ZGPAT: variants seen among roughly 807,000 people sequenced by gnomAD.
The protein encoded by ZGPAT is zinc finger CCCH-type and G-patch domain containing.
A neutral mutation model predicts 47.9 loss-of-function variants in ZGPAT; 39 were observed. The ratio of observed to expected loss-of-function variants is 0.81; its 90% confidence interval spans 0.63 to 1.06. The LOEUF (loss-of-function observed/expected upper bound fraction) is 1.06, where lower values mean the gene tolerates loss of function less well. Ranked by LOEUF, ZGPAT falls within the 50% of genes least tolerant of loss-of-function variation. The probability of loss-of-function intolerance (pLI) is 0.00; values close to 1 mark genes in which losing one functional copy is unlikely to be tolerated. For synonymous variants in ZGPAT, 348 were observed against 292.9 expected (o/e 1.19, Z -1.92); for missense variants, 717 against 681.4 (o/e 1.05, Z -0.58).
chr20:63,732,758 G>T (rs966125423), intron 2 of ZGPAT, among the ~76,000 whole-genome samples: 1 of 151,628 alleles, frequency 6.6e-6, no homozygotes, highest in African/African-American at 2.4e-5. Flanking sequence ...GTGTATGCCT[G>T]TGTACGTATG....
intron 2 of ZGPAT, among the ~76,000 whole-genome samples, chr20:63,724,543 GAAA>G (rs1419450299): frequency 1.3e-5 from 2 of 151,732 alleles, no homozygotes; most frequent in African/African-American, 4.8e-5. Context: ...AATTCAAAGA[GAAA>G]AAAAGTATAC....
chr20:63,726,344 G>A lies in ZGPAT; in HGVS notation c.585-6875G>A, dbSNP rs946350812. ...CTCCCAAGTAGCTGAGATGATAGGCGCCCGCCACCACGCCCAGCTAATTTT... is the reference window on the plus strand; with the variant it reads ...CTCCCAAGTAGCTGAGATGATAGGCACCCGCCACCACGCCCAGCTAATTTT... On this transcript the variant is annotated intron_variant, in intron 2 of 6. Transcript: ENST00000355969. Among the ~76,000 whole-genome samples, 26 of 147,824 alleles carry A rather than the reference G, an allele frequency of 1.8e-4. No individual in the cohort carries two copies. The East Asian group carries it at 4.2e-3, about 24-fold the overall frequency.
intron 2 of ZGPAT, among the ~76,000 whole-genome samples, chr20:63,710,555 G>A (rs184214850): frequency 1.4e-3 from 208 of 152,250 alleles, no homozygotes; most frequent in African/African-American, 4.5e-3. Flanking sequence ...CACCGCCCAC[G>A]GTCCATCATC....
chr20:63,722,575 C>T (rs548744223), intron 2 of ZGPAT, among the ~76,000 whole-genome samples: 1 of 152,092 alleles, frequency 6.6e-6, no homozygotes, highest in South Asian at 2.1e-4. Flanking sequence ...CTAGAGATGA[C>T]AATGTACATC....
At chr20:63,719,300 T>C (rs1568790045) in intron 2 of ZGPAT, among the ~76,000 whole-genome samples, 1 of 152,212 alleles carries the variant, frequency 6.6e-6, no homozygotes, top group African/African-American at 2.4e-5. Flanking sequence ...TAAATTCATG[T>C]CTTTCATTAA....
Position 63,708,589 on chromosome 20 carries a change from G to A in ZGPAT, c.9G>A (p.Glu3=), listed in dbSNP as rs2091604268. MD[E]ESLESALQTY... Reference sequence around the variant, plus strand: ...CGCCTCCCTCTCTCAGCATGGACGAGGAGAGCCTGGAGTCGGCCTTGCAGA... The same window carrying A: ...CGCCTCCCTCTCTCAGCATGGACGAAGAGAGCCTGGAGTCGGCCTTGCAGA... The change falls in exon 2 of 7, where the codon GAG becomes GAA. Residue 3 remains glutamate, a synonymous_variant. Transcript: ENST00000355969. The A allele has an allele frequency of 6.3e-7, 1 of 1,599,130 alleles. No homozygotes were observed. The highest frequency in any genetic ancestry group is 8.5e-7 in the Non-Finnish European group (1 of 1,170,282).
At chr20:63,725,913 A>T (rs1377754332) in intron 2 of ZGPAT, among the ~76,000 whole-genome samples, 2 of 151,176 alleles carry the variant, frequency 1.3e-5, no homozygotes, top group South Asian at 4.2e-4. Context: ...GCTCACTGCA[A>T]CCTCCACCAC....
intron 2 of ZGPAT, among the ~76,000 whole-genome samples, chr20:63,731,357 A>T (rs62217816): frequency 0.12 from 15,325 of 132,628 alleles, 1,179 homozygotes; most frequent in East Asian, 0.25. Context: ...TGTGTGTGTG[A>T]GATTGTGTAT....
chr20:63,733,272 C>T lies in ZGPAT; in HGVS notation c.638C>T (p.Pro213Leu), dbSNP rs903150759. The T allele has an allele frequency of 1.4e-5, 23 of 1,613,718 alleles. No homozygotes were observed. Among genetic ancestry groups the T allele is most frequent in the Non-Finnish European group, 1.8e-5 (21 of 1,179,984 alleles). ...SLDELRPFQD[P>L]DLSSLQAGSA... ...GATGAGCTGCGCCCCTTCCAGGACC[C>T]AGACCTGAGCTCCCTGCAGGCCGGC... Residue 213 changes from proline to leucine, a missense_variant, in exon 3 of 7, where the codon CCA becomes CTA. Transcript: ENST00000355969.
chr20:63,717,022 G>A lies in ZGPAT; in HGVS notation c.584+7858G>A, dbSNP rs145533562. ...AGTAGAGATGGGGTTTCTCCCTGTC[G>A]GCCAGGCTGGTCTTGAAATCCTGAC... On this transcript the variant is annotated intron_variant, in intron 2 of 6. Transcript: ENST00000355969. Among the ~76,000 whole-genome samples the A allele has an allele frequency of 8.0e-4, 121 of 152,032 alleles. 1 individual carries two copies. In the East Asian group the frequency reaches 0.02, roughly 25 times the overall value.
chr20:63,714,917 A>G lies in ZGPAT; in HGVS notation c.584+5753A>G, dbSNP rs7267957. ...CAGCCTCCCAAAGTGCTGAGATTAC[A>G]GGGGTGAGTCACTGCACTGCACCCA... On this transcript the variant is annotated intron_variant, in intron 2 of 6. Transcript: ENST00000355969. Among the ~76,000 whole-genome samples, 265 of 152,208 alleles carry G rather than the reference A, an allele frequency of 1.7e-3. 1 individual carries two copies. The highest frequency in any genetic ancestry group is 6.1e-3 in the African/African-American group (255 of 41,524).
At chr20:63,733,781 G>A (rs1349588515) in intron 4 of ZGPAT, 42 bp downstream of exon 4, 3 of 1,578,408 alleles carry the variant, frequency 1.9e-6, no homozygotes, top group Non-Finnish European at 8.6e-7. Flanking sequence ...GGAAGGTGGG[G>A]TCACCCTGAG....
At chr20:63,733,171 C>G (rs374551285) in intron 2 of ZGPAT, 48 bp from the exon 3 acceptor site, 2 of 1,594,138 alleles carry the variant, frequency 1.3e-6, no homozygotes, top group South Asian at 2.2e-5. Flanking sequence ...GTTGGTTTGC[C>G]CCTGGTGGCC....
At chr20:63,714,473 G>T (rs941680220) in intron 2 of ZGPAT, among the ~76,000 whole-genome samples, 4 of 147,132 alleles carry the variant, frequency 2.7e-5, no homozygotes, top group Non-Finnish European at 6.0e-5. Context: ...TCTTTATCTT[G>T]TTCCTGATCT....
chr20:63,728,721 G>A (rs2091868086), intron 2 of ZGPAT, among the ~76,000 whole-genome samples: 1 of 152,134 alleles, frequency 6.6e-6, no homozygotes, highest in Admixed American at 6.5e-5. Context: ...AGTGTTTATC[G>A]AGTCACCACT....
chr20:63,708,246 G>C (rs1321132524), intron 1 of ZGPAT, 128 bp downstream of exon 1: 1 of 164,656 alleles, frequency 6.1e-6, no homozygotes, highest in East Asian at 1.7e-4. Flanking sequence ...CCGGGCGGGG[G>C]GGCGCGGCCG....
Position 63,709,093 on chromosome 20 carries a change from C to T in ZGPAT, c.513C>T (p.Tyr171=), listed in dbSNP as rs41309375. The T allele has an allele frequency of 1.5e-4, 237 of 1,613,226 alleles. No individual in the cohort carries two copies. The highest frequency in any genetic ancestry group is 1.6e-4 in the Non-Finnish European group (187 of 1,180,018). Residue 171 remains tyrosine, a synonymous_variant, in exon 2 of 7, where the codon TAC becomes TAT. Transcript: ENST00000355969. ...GSAGVRVLYL[Y]PTHKSLKPCP... ...CGGGTGTCCGTGTGCTTTACCTGTA[C>T]CCCACTCACAAGTCTCTGAAGCCGT...
chr20:63,718,990 C>A (rs953770313), intron 2 of ZGPAT, among the ~76,000 whole-genome samples: 2 of 150,196 alleles, frequency 1.3e-5, no homozygotes, highest in Non-Finnish European at 2.9e-5. Context: ...GGCGTGAACC[C>A]GGGAGGTGGA....
intron 2 of ZGPAT, among the ~76,000 whole-genome samples, chr20:63,731,409 GTGTA>G (rs1050804767): frequency 1.3e-5 from 2 of 151,700 alleles, no homozygotes; most frequent in African/African-American, 4.9e-5. Context: ...CTTGGTGTGT[GTGTA>G]TGTGTGCATG....
Sources: allele counts gnomAD v4.1 joint callset (sites outside exome capture counted in the v4.1 genomes callset), GRCh38; gene constraint gnomAD v4.1.1; transcripts MANE v1.5; gene names NCBI Gene and HGNC (gene_info 2026-07-23, HGNC 2026-07-21).